TRIM24: variants seen among roughly 807,000 people sequenced by gnomAD.
TRIM24 encodes the protein tripartite motif containing 24, also known as transcription intermediary factor 1-alpha.
In TRIM24, 29 loss-of-function variants were observed where a neutral mutation model predicts 123.9. That is an observed-to-expected ratio of 0.23 (90% CI 0.17 to 0.32). The LOEUF (loss-of-function observed/expected upper bound fraction) is 0.32. Ranked by LOEUF, TRIM24 falls within the 10% of genes least tolerant of loss-of-function variation. The probability of loss-of-function intolerance (pLI) is 1.00; values close to 1 mark genes in which losing one functional copy is unlikely to be tolerated. For missense variants in TRIM24, 932 were observed against 1,295.3 expected, an observed-to-expected ratio of 0.72 and a Z score of 4.31; for synonymous variants, 456 against 461.1, an observed-to-expected ratio of 0.99 and a Z score of 0.14.
At chr7:138,472,707 G>A (rs989733693) in intron 1 of TRIM24, among the ~76,000 whole-genome samples, 1 of 152,086 alleles carries the variant, frequency 6.6e-6, no homozygotes, top group Non-Finnish European at 1.5e-5. Flanking sequence ...GTATTTTAGG[G>A]CAGTGCTACT....
At chr7:138,569,657 A>C (rs993493542) in intron 10 of TRIM24, among the ~76,000 whole-genome samples, 1 of 152,204 alleles carries the variant, frequency 6.6e-6, no homozygotes, top group Non-Finnish European at 1.5e-5. Flanking sequence ...GGTGGTAAAG[A>C]AGACATTCAT....
At chr7:138,500,353 A>T (rs1796009987) in intron 1 of TRIM24, among the ~76,000 whole-genome samples, 1 of 152,070 alleles carries the variant, frequency 6.6e-6, no homozygotes, top group African/African-American at 2.4e-5. Context: ...TGAGGCCAGG[A>T]GTTTGAGACC....
intron 1 of TRIM24, among the ~76,000 whole-genome samples, chr7:138,470,168 G>C (rs975530886): frequency 2.7e-5 from 3 of 112,564 alleles, no homozygotes; most frequent in Non-Finnish European, 4.9e-5. Flanking sequence ...GTCTCTCTCT[G>C]TCACCAGGCT....
chr7:138,520,263 AC>A (rs1796479562), intron 4 of TRIM24, among the ~76,000 whole-genome samples: 1 of 152,216 alleles, frequency 6.6e-6, no homozygotes, highest in South Asian at 2.1e-4. Flanking sequence ...GAAAGTCTGC[AC>A]TATTATAGTA....
At chr7:138,584,652 G>GA in intron 18 of TRIM24, 90 bp from the exon 19 acceptor site, 2 of 1,039,054 alleles carry the variant, frequency 1.9e-6, no homozygotes, top group Non-Finnish European at 2.8e-6. Context: ...GACTATGCAT[G>GA]AACACTTTTC....
At chr7:138,553,527 A>G (rs1797255577) in intron 8 of TRIM24, among the ~76,000 whole-genome samples, 1 of 152,166 alleles carries the variant, frequency 6.6e-6, no homozygotes, top group Non-Finnish European at 1.5e-5. Flanking sequence ...TACTGTTGAA[A>G]TCAAGCTTGA....
At chr7:138,464,805 C>T (rs988057531) in intron 1 of TRIM24, among the ~76,000 whole-genome samples, 2 of 152,074 alleles carry the variant, frequency 1.3e-5, no homozygotes, top group African/African-American at 4.8e-5. Context: ...AACTTTAACA[C>T]CTAAAAAAAA....
At chr7:138,531,242 T>C (rs940013126) in intron 6 of TRIM24, among the ~76,000 whole-genome samples, 2 of 146,422 alleles carry the variant, frequency 1.4e-5, no homozygotes, top group African/African-American at 5.5e-5. Flanking sequence ...ATGTTACACG[T>C]TACATGTTAC....
rs543458179 is a variant in TRIM24, at chr7:138,491,431, A to G, written c.365-12859A>G. On this transcript the variant is annotated intron_variant, in intron 1 of 18. Transcript: ENST00000343526. ...TCTAGAACCTCATAAAAATAGAATT[A>G]TGCAATATTTGTCCTTTTCTGGTCT... The G allele has an allele frequency of 3.9e-5, 6 of 155,336 alleles. No individual in the cohort carries two copies. The Admixed American group carries it at 3.9e-4, about 10-fold the overall frequency. 9.6% of individuals were successfully genotyped at this position (155,336 alleles called of 1,614,324 possible). A position where few individuals can be genotyped will look rare whatever the true frequency, so the allele number is the denominator to read the frequency against.
At chr7:138,491,739 TACCAC>T (rs1298829197) in intron 1 of TRIM24, among the ~76,000 whole-genome samples, 3 of 152,182 alleles carry the variant, frequency 2.0e-5, no homozygotes, top group African/African-American at 7.2e-5. Context: ...ACAAAACTGT[TACCAC>T]AGCAGCTCCA....
rs1321071964 is a variant in TRIM24 at position 138,579,512 on chromosome 7, C to A, written c.2565C>A (p.Pro855=). 1.6e-5 allele frequency: 26 copies of A among 1,604,352 alleles called. No homozygotes were observed. The highest frequency in any genetic ancestry group is 2.2e-5 in the Non-Finnish European group (26 of 1,174,094). The change falls in exon 15 of 19, where the codon CCC becomes CCA. Residue 855 remains proline (P), a synonymous_variant. Coordinates refer to ENST00000343526, the MANE Select transcript of TRIM24 (RefSeq NM_015905.3). ...PKVFHLSCHV[P]TLTNFPSGEW... ...TATTCCATCTTTCTTGTCATGTGCC[C>A]ACATTGACAAATTTTCCAAGGTAAG...
intron 2 of TRIM24, among the ~76,000 whole-genome samples, chr7:138,508,676 T>TGTGTGTGC (rs1554436581): frequency 7.0e-4 from 39 of 55,810 alleles, no homozygotes; most frequent in Non-Finnish European, 9.1e-4. Flanking sequence ...TGTGTGTGTG[T>TGTGTGTGC]GTGTGTGTGT....
intron 2 of TRIM24, among the ~76,000 whole-genome samples, chr7:138,507,227 T>C (rs975347002): frequency 1.3e-5 from 2 of 152,154 alleles, no homozygotes; most frequent in Non-Finnish European, 2.9e-5. Flanking sequence ...ACAGTTGACA[T>C]AACAAACGCC....
Position 138,463,877 on chromosome 7 carries a change from G to C in TRIM24, c.364+2965G>C, listed in dbSNP as rs1359181246. Among the ~76,000 whole-genome samples, 3 of 150,406 alleles carry C rather than the reference G, an allele frequency of 2.0e-5. No individual in the cohort carries two copies. The Admixed American group carries it at 2.0e-4, about 10-fold the overall frequency. ...AAAAGTACACCTAAAAAGAATTAAA[G>C]TTATCTTTAAAAAATTAAAAATGCT... On this transcript the variant is annotated intron_variant, in intron 1 of 18. Coordinates refer to ENST00000343526, the MANE Select transcript of TRIM24 (RefSeq NM_015905.3).
chr7:138,464,075 A>C (rs1469961932), intron 1 of TRIM24, among the ~76,000 whole-genome samples: 1 of 134,518 alleles, frequency 7.4e-6, no homozygotes, highest in Admixed American at 9.1e-5. Context: ...GCTCACTGCT[A>C]GCTCTGCCTC....
chr7:138,468,283 A>C lies in TRIM24; in HGVS notation c.364+7371A>C, dbSNP rs188983443. On this transcript the variant is annotated intron_variant, in intron 1 of 18. Transcript: ENST00000343526. ...TGCAATTTGTCTCCTTTTTTTGTTA[A>C]TGTATGAATTACGTTGATTTTTAGA... Among the ~76,000 whole-genome samples the C allele has an allele frequency of 5.5e-4, 84 of 152,158 alleles. 3 individuals carry two copies. The East Asian group carries it at 0.016, about 28-fold the overall frequency.
intron 7 of TRIM24, among the ~76,000 whole-genome samples, chr7:138,539,371 A>G (rs570340825): frequency 1.8e-4 from 27 of 152,242 alleles, no homozygotes; most frequent in African/African-American, 4.8e-4. Context: ...TTGGTGAACT[A>G]TTTGACATTG....
intron 1 of TRIM24, among the ~76,000 whole-genome samples, chr7:138,466,536 C>T (rs1387282962): frequency 7.1e-6 from 1 of 141,400 alleles, no homozygotes; most frequent in African/African-American, 2.7e-5. Flanking sequence ...GCCATCTCAG[C>T]CCACTGCAAC....
At chr7:138,551,427 G>A (rs1326830672) in intron 8 of TRIM24, among the ~76,000 whole-genome samples, 1 of 152,170 alleles carries the variant, frequency 6.6e-6, no homozygotes, top group Non-Finnish European at 1.5e-5. Flanking sequence ...CATGCCTGTA[G>A]TCCCAGCTAC....
Sources: allele counts gnomAD v4.1 joint callset (sites outside exome capture counted in the v4.1 genomes callset), GRCh38; gene constraint gnomAD v4.1.1; transcripts MANE v1.5; gene names NCBI Gene and HGNC (gene_info 2026-07-23, HGNC 2026-07-21).